GMPR: variants seen among roughly 807,000 people sequenced by gnomAD.
GMPR encodes the protein GMP reductase 1.
A neutral mutation model predicts 38.4 loss-of-function variants in GMPR; 31 were observed. The observed-to-expected ratio is 0.81, with a 90% CI of 0.61 to 1.09. The LOEUF (loss-of-function observed/expected upper bound fraction) is 1.09. GMPR is among the 50% of genes least tolerant of loss of function. The pLI is 0.00. For missense variants in GMPR, 468 were observed against 453.7 expected (o/e 1.03, Z -0.29); for synonymous variants, 162 against 173.3 (o/e 0.93, Z 0.51).
chr6:16,289,417 T>C (rs79989301), intron 7 of GMPR: 18,918 of 152,232 alleles, frequency 0.12, 1,264 homozygotes, highest in South Asian at 0.18. Context: ...GTTTTTACTT[T>C]TTTGACAGCT....
chr6:16,286,254 G>A (rs1315210402), intron 7 of GMPR, among the ~76,000 whole-genome samples: 4 of 152,066 alleles, frequency 2.6e-5, no homozygotes, highest in Non-Finnish European at 5.9e-5. Flanking sequence ...CCTGCCTCCC[G>A]CTAGGGGGCA....
intron 6 of GMPR, among the ~76,000 whole-genome samples, chr6:16,285,017 C>CAAAAA (rs1230598044): frequency 8.5e-5 from 3 of 35,094 alleles, no homozygotes; most frequent in Non-Finnish European, 1.1e-4. Flanking sequence ...GAGACTGTCT[C>CAAAAA]AAAAAAAAAA....
At chr6:16,266,312 C>CAAG (rs1361743284) in intron 4 of GMPR, among the ~76,000 whole-genome samples, 2 of 151,616 alleles carry the variant, frequency 1.3e-5, no homozygotes, top group African/African-American at 4.8e-5. Flanking sequence ...CATGAACCCA[C>CAAG]GAGGAGGAAC....
chr6:16,291,168 T>C (rs1482963938), intron 8 of GMPR, among the ~76,000 whole-genome samples: 1 of 152,228 alleles, frequency 6.6e-6, no homozygotes, highest in Non-Finnish European at 1.5e-5. Flanking sequence ...CATTCAGTTG[T>C]GTCATCCACT....
At chr6:16,268,290 G>A (rs1475083327) in intron 4 of GMPR, among the ~76,000 whole-genome samples, 3 of 152,126 alleles carry the variant, frequency 2.0e-5, no homozygotes, top group African/African-American at 7.2e-5. Flanking sequence ...CACGTGCTTG[G>A]GAACAGTCAC....
chr6:16,239,523 G>A (rs1758604500), intron 1 of GMPR, among the ~76,000 whole-genome samples: 1 of 152,230 alleles, frequency 6.6e-6, no homozygotes, highest in African/African-American at 2.4e-5. Context: ...AGTCCCTGAA[G>A]GATAAACTAG....
At chr6:16,289,768 C>G (rs771291998) in intron 7 of GMPR, among the ~76,000 whole-genome samples, 2 of 150,174 alleles carry the variant, frequency 1.3e-5, no homozygotes, top group Non-Finnish European at 2.9e-5. Flanking sequence ...AAGTACAGAC[C>G]AGACACCTGA....
chr6:16,239,822 G>A (rs75545176), intron 1 of GMPR, among the ~76,000 whole-genome samples: 7,349 of 152,376 alleles, frequency 0.048, 266 homozygotes, highest in Admixed American at 0.1. Context: ...CTCCGCGTTA[G>A]CCAATGACTA....
intron 8 of GMPR, among the ~76,000 whole-genome samples, chr6:16,292,035 G>T (rs893306272): frequency 9.9e-5 from 15 of 152,198 alleles, no homozygotes; most frequent in African/African-American, 1.9e-4. Flanking sequence ...AGGAGCAAAG[G>T]TTCTCCATCT....
chr6:16,251,521 G>T (rs1168774222), intron 3 of GMPR, among the ~76,000 whole-genome samples: 1 of 152,200 alleles, frequency 6.6e-6, no homozygotes, highest in Non-Finnish European at 1.5e-5. Flanking sequence ...AGTTAGCCAC[G>T]ATTGTGCCAT....
At position 16,285,776 on chromosome 6, in the gene GMPR, C is replaced by T. The variant is rs756090309; in HGVS notation, c.655-17C>T. ...TCCCGCTGATGATGTCCTGTCCTTG[C>T]TTTTTCCTCTGTGAAGGATGGAGGC... On this transcript the variant is annotated splice_polypyrimidine_tract_variant and intron_variant, in intron 6 of 8. Coordinates refer to ENST00000259727, the MANE Select transcript of GMPR (RefSeq NM_006877.4). The T allele has an allele frequency of 3.7e-5, 59 of 1,611,604 alleles. No individual in the cohort carries two copies. The South Asian group carries it at 6.1e-4, about 17-fold the overall frequency.
chr6:16,270,935 C>T (rs1020527384), intron 4 of GMPR, among the ~76,000 whole-genome samples: 2 of 152,150 alleles, frequency 1.3e-5, no homozygotes, highest in Non-Finnish European at 2.9e-5. Context: ...ACCTGTAATC[C>T]CAGCACTTTG....
Position 16,256,216 on chromosome 6 carries a change from A to G in GMPR, c.465+1481A>G, listed in dbSNP as rs544726457. Among the ~76,000 whole-genome samples the G allele has an allele frequency of 1.6e-4, 18 of 115,992 alleles. No individual in the cohort carries two copies. In the South Asian group the frequency reaches 5.4e-3, roughly 35 times the overall value. 76.1% of individuals were successfully genotyped at this position (115,992 alleles called of 152,430 possible). ...GGGCAACAGAGGGAGACTCCGTCTCAAAAAAAAAAAAAGAATTGGCCGGGT... is the reference window on the plus strand; with the variant it reads ...GGGCAACAGAGGGAGACTCCGTCTCGAAAAAAAAAAAAGAATTGGCCGGGT... On this transcript the variant is annotated intron_variant, in intron 4 of 8. Transcript: ENST00000259727.
rs963865522 is a variant in GMPR, at chr6:16,289,050, G to A, written c.698-1412G>A. Among the ~76,000 whole-genome samples, 36 of 152,260 alleles carry A rather than the reference G, an allele frequency of 2.4e-4. 1 individual carries two copies. Among genetic ancestry groups the A allele is most frequent in the Admixed American group, 4.6e-4 (7 of 15,290 alleles). ...GAGCCAGCAGTGGCAAACCCTTCTG[G>A]CTCCTTTTCTTTGGGAGGGTGATTT... On this transcript the variant is annotated intron_variant, in intron 7 of 8. Transcript: ENST00000259727.
chr6:16,245,411 C>G (rs567938577), intron 1 of GMPR, among the ~76,000 whole-genome samples: 1 of 152,082 alleles, frequency 6.6e-6, no homozygotes, highest in Non-Finnish European at 1.5e-5. Context: ...TAATGCTGAT[C>G]GCAAAGTGAA....
intron 4 of GMPR, among the ~76,000 whole-genome samples, chr6:16,271,758 C>CA (rs1007525940): frequency 1.3e-4 from 20 of 151,852 alleles, no homozygotes; most frequent in Middle Eastern, 3.4e-3. Flanking sequence ...AAAGAAGAAA[C>CA]AAAAAAAAGT....
At chr6:16,259,992 G>T (rs1759050055) in intron 4 of GMPR, among the ~76,000 whole-genome samples, 1 of 152,108 alleles carries the variant, frequency 6.6e-6, no homozygotes. Context: ...TAGTAGGGAT[G>T]ACAAGTTTTT....
At chr6:16,263,753 T>G (rs1759134258) in intron 4 of GMPR, among the ~76,000 whole-genome samples, 8 of 104,726 alleles carry the variant, frequency 7.6e-5, no homozygotes, top group South Asian at 3.2e-4. Flanking sequence ...AGATAAGAGG[T>G]CAGGGCACAG....
intron 4 of GMPR, among the ~76,000 whole-genome samples, chr6:16,266,881 G>A (rs1236824575): frequency 6.6e-6 from 1 of 151,502 alleles, no homozygotes; most frequent in Non-Finnish European, 1.5e-5. Context: ...CCGTCCGGGA[G>A]GAACGAACAA....
Sources: allele counts gnomAD v4.1 joint callset (sites outside exome capture counted in the v4.1 genomes callset), GRCh38; gene constraint gnomAD v4.1.1; transcripts MANE v1.5; gene names NCBI Gene and HGNC (gene_info 2026-07-23, HGNC 2026-07-21).